REXO5: variants seen among roughly 807,000 people sequenced by gnomAD.
REXO5 encodes the protein exonuclease NEF-sp.
Under a neutral mutation model 88.5 loss-of-function variants are expected in REXO5, and 48 were observed. The observed-to-expected ratio is 0.54, with a 90% CI of 0.43 to 0.69. The LOEUF is 0.69. REXO5 is among the 30% of genes least tolerant of loss of function. The pLI is 0.00. For synonymous variants in REXO5, 311 were observed against 336.5 expected (o/e 0.92, Z 0.83); for missense variants, 749 against 912.2 (o/e 0.82, Z 2.30).
chr16:20,829,315 A>G (rs988802930), intron 11 of REXO5, among the ~76,000 whole-genome samples: 1 of 152,246 alleles, frequency 6.6e-6, no homozygotes, highest in African/African-American at 2.4e-5. Context: ...ACTAATAATT[A>G]TAAAAAATCT....
At chr16:20,840,868 T>C (rs528322331) in intron 15 of REXO5, among the ~76,000 whole-genome samples, 3 of 152,308 alleles carry the variant, frequency 2.0e-5, no homozygotes, top group South Asian at 4.1e-4. Flanking sequence ...CTCCCATTTC[T>C]CAAATACCAG....
Position 20,816,120 on chromosome 16 carries a change from TC to T in REXO5, c.385del (p.Arg129AlafsTer10). ...AACCTGTTAATATATTTTCAGAAAT[TC>T]CGCTTGCCTCCACCATCATCTGATT... ...GCLRKAFRHK[F>X]RLPPPSSDFL... is the part of the protein sequence containing the mutation. On this transcript the variant is annotated frameshift_variant, in exon 5 of 20. Coordinates refer to ENST00000261377, the MANE Select transcript of REXO5 (RefSeq NM_030941.3). LOFTEE classifies it high-confidence loss of function. 1 of 1,613,734 alleles carries T rather than the reference TC, an allele frequency of 6.2e-7. No homozygotes were observed. Among genetic ancestry groups the T allele is most frequent in the Non-Finnish European group, 8.5e-7 (1 of 1,179,864 alleles).
Position 20,824,480 on chromosome 16 carries a change from G to C in REXO5, c.658G>C (p.Gly220Arg), listed in dbSNP as rs1158830724. Residue 220 changes from glycine (G) to arginine (R), a missense_variant, in exon 7 of 20, where the codon GGT (glycine) becomes CGT (arginine). Gly to Arg is a moderately radical substitution (Grantham distance 125, BLOSUM62 -2). Coordinates refer to ENST00000261377, the MANE Select transcript of REXO5 (RefSeq NM_030941.3). The part of the protein sequence containing the change: ...CENFLLTKCN[G>R]SIADNSPLFG... The stretch of plus-strand genomic sequence containing the variant: ...AAACTTTTTACTTACCAAATGTAAT[G>C]GTTCTATAGCAGACAATAGTCCTCT... 6.2e-7 allele frequency: 1 copy of C among 1,611,624 alleles called. No individual in the cohort carries two copies. Among genetic ancestry groups the C allele is most frequent in the Non-Finnish European group, 8.5e-7 (1 of 1,178,274 alleles).
At chr16:20,816,076 T>A (rs1567385114) in intron 4 of REXO5, 40 bp from the exon 5 acceptor site, 1 of 1,560,756 alleles carries the variant, frequency 6.4e-7, no homozygotes, top group East Asian at 2.2e-5. Flanking sequence ...ATTTTAGCTG[T>A]TTTCAACCAT....
chr16:20,844,011 T>G lies in REXO5; in HGVS notation c.1704T>G (p.Asp568Glu), dbSNP rs374287075. The G allele has an allele frequency of 6.3e-7, 1 of 1,596,152 alleles. No homozygotes were observed. The highest frequency in any genetic ancestry group is 8.6e-7 in the Non-Finnish European group (1 of 1,163,572). The change falls in exon 16 of 20, where the codon GAT becomes GAG. Residue 568 changes from aspartate (D) to glutamate (E), a missense_variant. By Grantham distance (45) the Asp-to-Glu change is conservative. Coordinates refer to ENST00000261377, the MANE Select transcript of REXO5 (RefSeq NM_030941.3). ...AIESLDGILV[D>E]GICIKVQRPV... Reference sequence around the variant, plus strand: ...AATCCTTGGATGGTATTCTGGTAGATGGTATCTGCATCAAGGTAGGGTGAC... The same window carrying G: ...AATCCTTGGATGGTATTCTGGTAGAGGGTATCTGCATCAAGGTAGGGTGAC...
rs2080883672 is a variant in REXO5, at chr16:20,806,724, A to G, written c.-3+19A>G. ...GAATCCGGTAACCGATGCGGACGGTAAAGCCGTTTGGGTTAGAGCGGCGCG... is the reference window on the plus strand; with the variant it reads ...GAATCCGGTAACCGATGCGGACGGTGAAGCCGTTTGGGTTAGAGCGGCGCG... On this transcript the variant is annotated intron_variant, in intron 1 of 19. Transcript: ENST00000261377. 1.0e-6 allele frequency: 1 copy of G among 991,106 alleles called. No homozygotes were observed. Among genetic ancestry groups the G allele is most frequent in the Non-Finnish European group, 1.4e-6 (1 of 693,902 alleles). 61.4% of individuals were successfully genotyped at this position (991,106 alleles called of 1,614,324 possible).
rs150459521 is a variant in REXO5 at position 20,824,995 on chromosome 16, G to A, written c.705+468G>A. ...CTGCACTCCAGCCTGGCGACAGAGTGAGACTCGATCTCAAAAAAAAAAAAT... is the reference window on the plus strand; with the variant it reads ...CTGCACTCCAGCCTGGCGACAGAGTAAGACTCGATCTCAAAAAAAAAAAAT... On this transcript the variant is annotated intron_variant, in intron 7 of 19. Coordinates refer to ENST00000261377, the MANE Select transcript of REXO5 (RefSeq NM_030941.3). Among the ~76,000 whole-genome samples, 520 of 151,920 alleles carry A rather than the reference G, an allele frequency of 3.4e-3. 4 individuals carry two copies. Among genetic ancestry groups the A allele is most frequent in the Non-Finnish European group, 6.0e-3 (405 of 67,964 alleles).
chr16:20,845,574 T>C (rs1274832826), intron 18 of REXO5, among the ~76,000 whole-genome samples: 1 of 152,152 alleles, frequency 6.6e-6, no homozygotes, highest in Non-Finnish European at 1.5e-5. Flanking sequence ...TCATAGATGG[T>C]CTTTTCTTTT....
chr16:20,821,727 A>G lies in REXO5; in HGVS notation c.476-35A>G, dbSNP rs762696192. 3 of 1,525,164 alleles carry G rather than the reference A, an allele frequency of 2.0e-6. No individual in the cohort carries two copies. In the South Asian group the frequency reaches 4.0e-5, roughly 20 times the overall value. 94.5% of individuals were successfully genotyped at this position (1,525,164 alleles called of 1,614,324 possible). ...CATTTCTTCTAGGGTTCTTAAACACACATTCTAATATACGTTCAATTGTTT... is the reference window on the plus strand; with the variant it reads ...CATTTCTTCTAGGGTTCTTAAACACGCATTCTAATATACGTTCAATTGTTT... On this transcript the variant is annotated intron_variant, in intron 5 of 19. Transcript: ENST00000261377.
At chr16:20,840,874 A>T (rs929387838) in intron 15 of REXO5, among the ~76,000 whole-genome samples, 1 of 152,218 alleles carries the variant, frequency 6.6e-6, no homozygotes, top group African/African-American at 2.4e-5. Context: ...TTTCTCAAAT[A>T]CCAGGCCATA....
At position 20,845,170 on chromosome 16, in the gene REXO5, T is replaced by A; in HGVS notation, c.2053T>A (p.Leu685Ile). 1 of 1,614,090 alleles carries A rather than the reference T, an allele frequency of 6.2e-7. No individual in the cohort carries two copies. ...PRHLHAWLRG[L>I]PPESTRLPGL... is the part of the protein sequence containing the mutation. ...GCACCTCCATGCCTGGCTCAGAGGC[T>A]TACCACCTGAATCAACAAGGCTCCC... The change falls in exon 18 of 20, where the codon TTA becomes ATA. Residue 685 changes from leucine to isoleucine, a missense_variant. By Grantham distance (5) the Leu-to-Ile change is conservative (BLOSUM62 2). Coordinates refer to ENST00000261377, the MANE Select transcript of REXO5 (RefSeq NM_030941.3).
At chr16:20,807,226 A>G in intron 2 of REXO5, 135 bp downstream of exon 2, 1 of 1,009,092 alleles carries the variant, frequency 9.9e-7, no homozygotes, top group South Asian at 1.7e-5. Flanking sequence ...CCTGATCATT[A>G]AAATGGGAAT....
chr16:20,833,014 G>T lies in REXO5; in HGVS notation c.1274G>T (p.Cys425Phe). 1 of 1,613,432 alleles carries T rather than the reference G, an allele frequency of 6.2e-7. No homozygotes were observed. Among genetic ancestry groups the T allele is most frequent in the Non-Finnish European group, 8.5e-7 (1 of 1,179,684 alleles). ...LQHPNTSVLECLDSVGQKLLF... is the reference protein window; with the variant it reads ...LQHPNTSVLEFLDSVGQKLLF... ...CTACTTCTTTATAGTGTTTTAGAAT[G>T]CTTGGATTCAGTGGGTCAGAAGCTT... The change falls in exon 13 of 20, where the codon TGC (cysteine) becomes TTC (phenylalanine). Residue 425 changes from cysteine to phenylalanine, a missense_variant. Transcript: ENST00000261377.
At chr16:20,822,903 A>ATAATTGTTGGGTATAATT (rs1306578683) in intron 6 of REXO5, among the ~76,000 whole-genome samples, 1 of 152,184 alleles carries the variant, frequency 6.6e-6, no homozygotes, top group African/African-American at 2.4e-5. Flanking sequence ...TTGGGTATAT[A>ATAATTGTTGGGTATAATT]CCTAGGAGTA....
intron 5 of REXO5, 109 bp downstream of exon 5, chr16:20,816,321 A>C: frequency 1.1e-6 from 1 of 880,778 alleles, no homozygotes; most frequent in African/African-American, 2.4e-5. Flanking sequence ...TAAGCACAAA[A>C]ACAATTTTTT....
rs2081583440 is a variant in REXO5, at chr16:20,844,890, G to A, written c.1936+45G>A. On this transcript the variant is annotated intron_variant, in intron 17 of 19. Coordinates refer to ENST00000261377, the MANE Select transcript of REXO5 (RefSeq NM_030941.3). ...TGTAGCTTTGGGGAAGGAAACTGGG[G>A]ATGGTGATAACATGAGGTCAGAGAA... 1.9e-6 allele frequency: 3 copies of A among 1,579,800 alleles called. No individual in the cohort carries two copies. The East Asian group carries it at 6.7e-5, about 35-fold the overall frequency.
In REXO5 at chr16:20,815,010, G is replaced by T. The variant is rs760056726; in HGVS notation, c.335G>T (p.Arg112Met). ...LQGMSQLHFY[R>M]FYLEFGCLRK... ...GGAATGAGTCAGCTACACTTTTACAGGTTCTATTTGGAGTTTGGATGTCTT... is the reference window on the plus strand; with the variant it reads ...GGAATGAGTCAGCTACACTTTTACATGTTCTATTTGGAGTTTGGATGTCTT... The change falls in exon 4 of 20, where the codon AGG becomes ATG. Residue 112 changes from arginine (R) to methionine (M), a missense_variant. Physicochemically the swap from Arg to Met is moderately conservative, Grantham distance 91. Transcript: ENST00000261377. 4 of 1,613,582 alleles carry T rather than the reference G, an allele frequency of 2.5e-6. No individual in the cohort carries two copies. Among genetic ancestry groups the T allele is most frequent in the Non-Finnish European group, 1.7e-6 (2 of 1,179,938 alleles).
chr16:20,848,257 T>G (rs1279474208), intron 19 of REXO5, among the ~76,000 whole-genome samples: 1 of 152,118 alleles, frequency 6.6e-6, no homozygotes, highest in Non-Finnish European at 1.5e-5. Context: ...AAAAAAGGAA[T>G]AGCAAAAACA....
Position 20,807,180 on chromosome 16 carries a change from G to C in REXO5, c.138+89G>C, listed in dbSNP as rs2080897789. 6.8e-6 allele frequency: 10 copies of C among 1,481,048 alleles called. No homozygotes were observed. The South Asian group carries it at 1.2e-4, about 18-fold the overall frequency. The allele number at this position is 1,481,048 out of a possible 1,614,324, so 91.7% of individuals were successfully genotyped here. A position where few individuals can be genotyped will look rare whatever the true frequency, so the allele number is the denominator to read the frequency against. On this transcript the variant is annotated intron_variant, in intron 2 of 19. Transcript: ENST00000261377. ...ACCGCCGTCGGGGGCACTGGATTCGGGCGGGCTCTCCGCCCTGGCCTCTCC... is the reference window on the plus strand; with the variant it reads ...ACCGCCGTCGGGGGCACTGGATTCGCGCGGGCTCTCCGCCCTGGCCTCTCC...
Sources: gnomAD v4.1 joint callset for allele counts (sites outside exome capture counted in the v4.1 genomes callset) on GRCh38, gnomAD v4.1.1 for gene constraint, MANE v1.5 for transcripts, NCBI Gene and HGNC (gene_info 2026-07-23, HGNC 2026-07-21) for gene names.